SLC6A16: variants seen among roughly 807,000 people sequenced by gnomAD.
SLC6A16 encodes the protein solute carrier family 6 member 16.
Under a neutral mutation model 65.4 loss-of-function variants are expected in SLC6A16, and 54 were observed. That is an observed-to-expected ratio of 0.83 (90% confidence interval 0.66 to 1.04). SLC6A16 has a LOEUF of 1.04. Ranked by LOEUF, SLC6A16 falls within the 50% of genes least tolerant of loss-of-function variation. The probability of loss-of-function intolerance (pLI) is 0.00; values close to 1 mark genes in which losing one functional copy is unlikely to be tolerated. For missense variants in SLC6A16, 816 were observed against 914.0 expected (o/e 0.89, Z 1.38); for synonymous variants, 330 against 346.5 (o/e 0.95, Z 0.53).
At chr19:49,293,725 C>G in intron 9 of SLC6A16, 102 bp downstream of exon 9, 1 of 1,021,878 alleles carries the variant, frequency 9.8e-7, no homozygotes, top group Non-Finnish European at 1.5e-6. Flanking sequence ...GATCACACCA[C>G]TGCACTCCAG....
chr19:49,330,762 T>C, the SLC6A16 span, among the ~76,000 whole-genome samples: 1 of 152,086 alleles, frequency 6.6e-6, no homozygotes, highest in East Asian at 1.9e-4. Flanking sequence ...GCCAACATGG[T>C]GAAACCCTGT....
chr19:49,336,936 G>T, the SLC6A16 span: 4 of 1,614,052 alleles, frequency 2.5e-6, no homozygotes, highest in African/African-American at 2.7e-5. Flanking sequence ...CTGCAGATCT[G>T]GTCCAAAGTC....
At chr19:49,318,025 G>T (rs1970644335) in intron 1 of SLC6A16, among the ~76,000 whole-genome samples, 1 of 152,154 alleles carries the variant, frequency 6.6e-6, no homozygotes, top group South Asian at 2.1e-4. Context: ...GTTCAGGAAG[G>T]CTTAGGTGAC....
At chr19:49,298,911 T>G (rs1300624976) in intron 7 of SLC6A16, among the ~76,000 whole-genome samples, 1 of 152,140 alleles carries the variant, frequency 6.6e-6, no homozygotes, top group East Asian at 1.9e-4. Flanking sequence ...TGCAGCAATA[T>G]GGATGCAGCT....
chr19:49,331,594 T>C, the SLC6A16 span: 4 of 361,396 alleles, frequency 1.1e-5, no homozygotes, highest in South Asian at 8.2e-5. Flanking sequence ...CTTAGTAGCT[T>C]AATACAACAG....
intron 1 of SLC6A16, among the ~76,000 whole-genome samples, chr19:49,322,037 A>G (rs988108487): frequency 6.6e-6 from 1 of 152,230 alleles, no homozygotes; most frequent in Non-Finnish European, 1.5e-5. Context: ...ATTAGAAACA[A>G]GCGTAGAATG....
the SLC6A16 span, chr19:49,335,704 C>T: frequency 6.2e-7 from 1 of 1,613,960 alleles, no homozygotes; most frequent in Non-Finnish European, 8.5e-7. This position sits in a 1 kb window ranked among gnomAD's most constrained non-coding sequence, Gnocchi z 4.6. Context: ...TCCGCATCTC[C>T]TCTCCCCAGG....
intron 1 of SLC6A16, among the ~76,000 whole-genome samples, chr19:49,319,574 C>A (rs1327940642): frequency 1.3e-5 from 2 of 151,238 alleles, no homozygotes; most frequent in Non-Finnish European, 2.9e-5. Context: ...CAAGAAAAGA[C>A]TCACATAATT....
the SLC6A16 span, among the ~76,000 whole-genome samples, chr19:49,332,544 C>T: frequency 6.6e-6 from 1 of 151,966 alleles, no homozygotes; most frequent in East Asian, 1.9e-4. Flanking sequence ...GGTGACAGAG[C>T]GAGGCTCTGT....
intron 10 of SLC6A16, 90 bp from the exon 11 acceptor site, chr19:49,290,857 T>C (rs1970065578): frequency 9.6e-7 from 1 of 1,045,004 alleles, no homozygotes; most frequent in Admixed American, 2.5e-5. Flanking sequence ...CTTTCAAACA[T>C]TCTATTGTAT....
At chr19:49,322,301 T>C (rs1357554978) in intron 1 of SLC6A16, among the ~76,000 whole-genome samples, 1 of 152,146 alleles carries the variant, frequency 6.6e-6, no homozygotes. Flanking sequence ...AAGAAAATTA[T>C]GAAAACAATT....
upstream of SLC6A16, among the ~76,000 whole-genome samples, chr19:49,327,688 G>T (rs1410045424): frequency 6.6e-6 from 1 of 152,238 alleles, no homozygotes. Context: ...ATTTCAGAGA[G>T]TAAGAGTGCT....
chr19:49,339,685 C>G, the SLC6A16 span: 1 of 1,421,592 alleles, frequency 7.0e-7, no homozygotes, highest in Non-Finnish European at 9.2e-7. This position sits in a 1 kb window ranked among gnomAD's most constrained non-coding sequence, Gnocchi z 4.5. Context: ...GAGCGTACAG[C>G]TACAGCGCAG....
At chr19:49,316,075 C>A (rs1474731452) in intron 1 of SLC6A16, among the ~76,000 whole-genome samples, 1 of 151,984 alleles carries the variant, frequency 6.6e-6, no homozygotes, top group Non-Finnish European at 1.5e-5. Context: ...GATAATTTAG[C>A]AAGATTGTTG....
At chr19:49,323,533 A>G (rs551207001) in intron 1 of SLC6A16, among the ~76,000 whole-genome samples, 20 of 152,342 alleles carry the variant, frequency 1.3e-4, no homozygotes, top group African/African-American at 4.8e-4. Context: ...AAACAACACA[A>G]TTCAAAAATG....
At chr19:49,340,255 G>A in the SLC6A16 span, 1 of 1,613,292 alleles carries the variant, frequency 6.2e-7, no homozygotes, top group Non-Finnish European at 8.5e-7. Context: ...CTATAGCTCG[G>A]GTTCATGACG....
At chr19:49,337,102 G>C in the SLC6A16 span, 1 of 1,614,078 alleles carries the variant, frequency 6.2e-7, no homozygotes, top group Non-Finnish European at 8.5e-7. Flanking sequence ...GCCTGGGCCG[G>C]GGTTGCAGGG....
the SLC6A16 span, among the ~76,000 whole-genome samples, chr19:49,339,131 C>G: frequency 1.3e-5 from 2 of 152,098 alleles, no homozygotes; most frequent in East Asian, 3.9e-4. This position sits in a 1 kb window ranked among gnomAD's most constrained non-coding sequence, Gnocchi z 4.5. Context: ...TGGGCTGGCT[C>G]TGGAATACAG....
intron 4 of SLC6A16, 72 bp downstream of exon 4, chr19:49,309,968 T>C (rs1255138829): frequency 6.4e-7 from 1 of 1,552,280 alleles, no homozygotes. Context: ...CCCCACTCTC[T>C]CCTATTCCAA....
Sources: gnomAD v4.1 joint callset for allele counts (sites outside exome capture counted in the v4.1 genomes callset) on GRCh38, gnomAD v4.1.1 for gene constraint, Gnocchi (gnomAD v3.1) non-coding constraint, MANE v1.5 for transcripts, NCBI Gene and HGNC (gene_info 2026-07-23, HGNC 2026-07-21) for gene names.